Variants in LAMA3 observed in about 807,000 individuals in gnomAD.
LAMA3 encodes the protein laminin subunit alpha 3, also known as laminin subunit alpha-3.
Under a neutral mutation model 402.0 loss-of-function variants are expected in LAMA3, and 281 were observed. That is an observed-to-expected ratio of 0.70 (90% CI 0.63 to 0.77). The LOEUF is 0.77. Ranked by LOEUF, LAMA3 falls within the 30% of genes least tolerant of loss-of-function variation. LAMA3 has a pLI of 0.00. For synonymous variants in LAMA3, 1,431 were observed against 1,558.4 expected, an observed-to-expected ratio of 0.92 and a Z score of 1.93; for missense variants, 3,840 against 4,215.5, an observed-to-expected ratio of 0.91 and a Z score of 2.47.
At position 23,847,417 on chromosome 18, in the gene LAMA3, C is replaced by T. The variant is rs372272466; in HGVS notation, c.3932-47C>T. The T allele has an allele frequency of 3.1e-6, 5 of 1,587,596 alleles. No individual in the cohort carries two copies. The African/African-American group carries it at 4.0e-5, about 13-fold the overall frequency. On this transcript the variant is annotated intron_variant, in intron 31 of 74. Transcript: ENST00000313654. ...CAGTTGGTGGAGTGCTGCTGGAGCC[C>T]AGGCGGCCTTTGACCCTCACATGGT...
At chr18:23,752,496 TATA>T (rs1383533135) in intron 5 of LAMA3, among the ~76,000 whole-genome samples, 1 of 152,160 alleles carries the variant, frequency 6.6e-6, no homozygotes, top group African/African-American at 2.4e-5. Context: ...CATGGAGGAA[TATA>T]ATACCAGCTA....
intron 37 of LAMA3, 61 bp from the exon 38 acceptor site, chr18:23,871,370 A>G: frequency 5.7e-6 from 8 of 1,395,856 alleles, no homozygotes; most frequent in Non-Finnish European, 8.1e-6. Context: ...GTCTGCCTCT[A>G]AGGAACCCCT....
chr18:23,899,589 C>A, intron 47 of LAMA3, 134 bp downstream of exon 47: 2 of 935,704 alleles, frequency 2.1e-6, no homozygotes, highest in Non-Finnish European at 3.4e-6. Flanking sequence ...GTTAGAGCAT[C>A]ACGTGGTGAA....
chr18:23,816,468 G>A lies in LAMA3; in HGVS notation c.2128G>A (p.Val710Met), dbSNP rs2063177735. 6.8e-6 allele frequency: 11 copies of A among 1,613,892 alleles called. No homozygotes were observed. Among genetic ancestry groups the A allele is most frequent in the Admixed American group, 1.7e-5 (1 of 60,000 alleles). ...AGTGTGCCAGTGCCGAGAGCATGTC[G>A]TGGGAAAGGTGTGCCAGCGGTGAGT... ...SGVCQCREHV[V>M]GKVCQRPENN... The change falls in exon 18 of 75, where the codon GTG (valine) becomes ATG (methionine). Residue 710 changes from valine (V) to methionine (M), a missense_variant. Physicochemically the swap from Val to Met is conservative, Grantham distance 21. Coordinates refer to ENST00000313654, the MANE Select transcript of LAMA3 (RefSeq NM_198129.4).
intron 16 of LAMA3, 89 bp from the exon 17 acceptor site, chr18:23,815,379 C>CTA: frequency 1.5e-6 from 2 of 1,371,010 alleles, no homozygotes; most frequent in Non-Finnish European, 1.0e-6. Flanking sequence ...ACACTGCTTC[C>CTA]TATTATACAG....
At chr18:23,832,846 A>G (rs1384814390) in intron 23 of LAMA3, among the ~76,000 whole-genome samples, 1 of 152,256 alleles carries the variant, frequency 6.6e-6, no homozygotes. Flanking sequence ...CATGTAAAAT[A>G]CCATTGAGTA....
intron 14 of LAMA3, among the ~76,000 whole-genome samples, chr18:23,813,788 T>C (rs2063124000): frequency 6.6e-6 from 1 of 152,048 alleles, no homozygotes; most frequent in South Asian, 2.1e-4. Context: ...GTGATCCACC[T>C]GCCTCAGCCT....
At chr18:23,893,237 GTAGA>G (rs2080750161) in intron 42 of LAMA3, among the ~76,000 whole-genome samples, 1 of 152,194 alleles carries the variant, frequency 6.6e-6, no homozygotes, top group Admixed American at 6.5e-5. Flanking sequence ...TGTTGTGAAG[GTAGA>G]TAGTTTGTTC....
At chr18:23,741,985 G>A (rs1035859157) in intron 2 of LAMA3, among the ~76,000 whole-genome samples, 1 of 152,174 alleles carries the variant, frequency 6.6e-6, no homozygotes. Context: ...AGCTGGGCAT[G>A]GTGGTGCACA....
At position 23,915,519 on chromosome 18, in the gene LAMA3, T is replaced by C. The variant is rs1541836; in HGVS notation, c.7778+97T>C. On this transcript the variant is annotated intron_variant, in intron 59 of 74. Coordinates refer to ENST00000313654, the MANE Select transcript of LAMA3 (RefSeq NM_198129.4). ...AAAGGATGGGCCAGTGAGATGCTAT[T>C]GATGTTGCTAGTTGCTTTGGGCCAG... 922,845 of 1,153,262 alleles carry C rather than the reference T, an allele frequency of 0.8. 388,885 individuals are homozygous for C. The highest frequency in any genetic ancestry group is 0.89 in the Non-Finnish European group (688,653 of 772,992). 71.4% of individuals were successfully genotyped at this position (1,153,262 alleles called of 1,614,324 possible).
At chr18:23,811,573 T>C (rs1274071623) in intron 13 of LAMA3, among the ~76,000 whole-genome samples, 2 of 152,178 alleles carry the variant, frequency 1.3e-5, no homozygotes, top group Non-Finnish European at 2.9e-5. Context: ...GTGCTGTGGC[T>C]GCCTGGCAGA....
intron 2 of LAMA3, among the ~76,000 whole-genome samples, chr18:23,724,127 G>A (rs751273446): frequency 1.3e-5 from 2 of 152,064 alleles, no homozygotes; most frequent in Non-Finnish European, 2.9e-5. Context: ...GAGAACATAC[G>A]ATATTTGGTT....
chr18:23,861,310 T>C (rs1391366894), intron 34 of LAMA3, among the ~76,000 whole-genome samples: 1 of 152,230 alleles, frequency 6.6e-6, no homozygotes, highest in Non-Finnish European at 1.5e-5. Context: ...GAGCTTGCCA[T>C]TAAATGCGCC....
Position 23,928,232 on chromosome 18 carries a change from G to A in LAMA3, c.8287G>A (p.Asp2763Asn). Reference sequence around the variant, plus strand: ...GGGAGTAACCAAAAAGTGCTCGGAAGACTGGAAGGTAAGTGAAAGTTCAGA... The same window carrying A: ...GGGAGTAACCAAAAAGTGCTCGGAAAACTGGAAGGTAAGTGAAAGTTCAGA... ...TVGVTKKCSE[D>N]WKLVRSASFS... Residue 2763 changes from aspartate to asparagine, a missense_variant, in exon 63 of 75, where the codon GAC becomes AAC. Physicochemically the swap from Asp to Asn is conservative, Grantham distance 23. Transcript: ENST00000313654. The A allele has an allele frequency of 6.2e-7, 1 of 1,600,382 alleles. No individual in the cohort carries two copies. Among genetic ancestry groups the A allele is most frequent in the East Asian group, 2.2e-5 (1 of 44,810 alleles).
At chr18:23,895,209 T>C in intron 44 of LAMA3, 151 bp downstream of exon 44, 1 of 894,342 alleles carries the variant, frequency 1.1e-6, no homozygotes, top group East Asian at 2.7e-5. Flanking sequence ...CTTTTCCTGG[T>C]GGAAAATCAT....
chr18:23,951,788 C>T lies in LAMA3; in HGVS notation c.9736+11C>T, dbSNP rs754979726. On this transcript the variant is annotated intron_variant, in intron 73 of 74. Transcript: ENST00000313654. ...GGCACTCGGTGGCAGGTATGTTGTC[C>T]AGTAGCTGATTGTTCATGCACTAAA... 2 of 1,600,912 alleles carry T rather than the reference C, an allele frequency of 1.2e-6. No individual in the cohort carries two copies. The highest frequency in any genetic ancestry group is 2.2e-5 in the South Asian group (2 of 90,634).
chr18:23,709,281 G>A lies in LAMA3; in HGVS notation c.295-4639G>A, dbSNP rs190657063. Among the ~76,000 whole-genome samples, 46 of 150,824 alleles carry A rather than the reference G, an allele frequency of 3.0e-4. No homozygotes were observed. In the East Asian group the frequency reaches 6.0e-3, roughly 20 times the overall value. On this transcript the variant is annotated intron_variant, in intron 1 of 74. Transcript: ENST00000313654. ...AGAGACGGGGTTTCTCCATGTTGCC[G>A]AGGCTGCTCTCGAACTCCTGGGCTC... is the stretch of plus-strand genomic sequence containing the variant.
chr18:23,828,044 T>G (rs1284237687), intron 23 of LAMA3, among the ~76,000 whole-genome samples: 1 of 152,196 alleles, frequency 6.6e-6, no homozygotes, highest in Non-Finnish European at 1.5e-5. Flanking sequence ...CATACTGATT[T>G]CAGATTCGAG....
At chr18:23,751,237 T>A in intron 5 of LAMA3, 149 bp downstream of exon 5, 1 of 746,156 alleles carries the variant, frequency 1.3e-6, no homozygotes, top group Non-Finnish European at 2.2e-6. Flanking sequence ...TAGATATAAT[T>A]AGGAGTTTAT....
Sources: allele counts gnomAD v4.1 joint callset (sites outside exome capture counted in the v4.1 genomes callset), GRCh38; gene constraint gnomAD v4.1.1; transcripts MANE v1.5; gene names NCBI Gene and HGNC (gene_info 2026-07-23, HGNC 2026-07-21).